Variants in IFT43 observed in about 807,000 individuals in gnomAD.
The protein encoded by IFT43 is intraflagellar transport 43, also known as intraflagellar transport protein 43 homolog.
Under a neutral mutation model 32.3 loss-of-function variants are expected in IFT43, and 33 were observed. The ratio of observed to expected loss-of-function variants is 1.02; its 90% CI spans 0.77 to 1.37. The LOEUF is 1.37. Among genes scored for constraint, IFT43 ranks in the 40% most tolerant of loss-of-function variants. IFT43 has a pLI of 0.00. For missense variants in IFT43, 274 were observed against 265.9 expected (o/e 1.03, Z -0.21); for synonymous variants, 93 against 98.2 (o/e 0.95, Z 0.31).
intron 3 of IFT43, among the ~76,000 whole-genome samples, chr14:76,052,790 G>A (rs888477): frequency 0.31 from 46,880 of 152,120 alleles, 8,492 homozygotes; most frequent in East Asian, 0.43. Context: ...CTGTTGCGTT[G>A]TAAATAAAAC....
chr14:76,077,463 G>C (rs1039729317), intron 5 of IFT43, among the ~76,000 whole-genome samples: 11 of 152,158 alleles, frequency 7.2e-5, no homozygotes, highest in African/African-American at 2.7e-4. Context: ...GTTCTATTCA[G>C]TTGTTCCTAA....
At chr14:75,995,463 G>A (rs569894131) in intron 2 of IFT43, among the ~76,000 whole-genome samples, 6 of 152,232 alleles carry the variant, frequency 3.9e-5, no homozygotes, top group African/African-American at 9.6e-5. Context: ...CTCCGAGGAC[G>A]CAGAACTGAA....
chr14:76,015,396 G>A (rs1379660743), intron 2 of IFT43, among the ~76,000 whole-genome samples: 1 of 152,162 alleles, frequency 6.6e-6, no homozygotes, highest in Non-Finnish European at 1.5e-5. Context: ...TCGCCAGTGG[G>A]AAGCAAGCTA....
chr14:75,997,949 T>TA (rs979835628), intron 2 of IFT43, among the ~76,000 whole-genome samples: 12 of 152,054 alleles, frequency 7.9e-5, no homozygotes, highest in African/African-American at 2.2e-4. Context: ...GCACTTAAGA[T>TA]AAAAAAACAA....
At chr14:75,986,014 C>T (rs961605914) in intron 1 of IFT43, 174 bp downstream of exon 1, 2 of 1,526,040 alleles carry the variant, frequency 1.3e-6, no homozygotes, top group Admixed American at 2.0e-5. Context: ...TGGGCTCCGC[C>T]GCTGCTGGCC....
intron 2 of IFT43, among the ~76,000 whole-genome samples, chr14:75,999,275 ATATATATTTTTTT>A (rs2035834604): frequency 5.4e-5 from 1 of 18,398 alleles, no homozygotes; most frequent in African/African-American, 2.0e-4. Context: ...ATATATATGT[ATATATATTTTTTT>A]TTTTTTTTTT....
intron 5 of IFT43, among the ~76,000 whole-genome samples, chr14:76,062,917 C>CAAAAAAAAAA (rs746158153): frequency 2.9e-4 from 21 of 72,468 alleles, no homozygotes; most frequent in African/African-American, 8.3e-4. Context: ...GATCCCATCT[C>CAAAAAAAAAA]AAAAAAAAAA....
chr14:76,072,289 G>A (rs2037335333), intron 5 of IFT43, among the ~76,000 whole-genome samples: 1 of 152,180 alleles, frequency 6.6e-6, no homozygotes, highest in African/African-American at 2.4e-5. Context: ...ACAGATTGCA[G>A]TGTGAGTATT....
At chr14:76,049,866 G>GCC (rs35149013) in intron 3 of IFT43, among the ~76,000 whole-genome samples, 1 of 151,908 alleles carries the variant, frequency 6.6e-6, no homozygotes, top group Admixed American at 6.6e-5. Flanking sequence ...TTAATTTCAA[G>GCC]CCCCCAAATC....
intron 1 of IFT43, among the ~76,000 whole-genome samples, chr14:75,986,971 G>A (rs1042216037): frequency 2.0e-5 from 3 of 152,184 alleles, no homozygotes; most frequent in Non-Finnish European, 4.4e-5. Flanking sequence ...ATAAAGCAAA[G>A]TTCCTGCCCT....
At chr14:75,985,873 G>T (rs1421676343) in intron 1 of IFT43, 33 bp downstream of exon 1, 2 of 1,611,150 alleles carry the variant, frequency 1.2e-6, no homozygotes, top group Non-Finnish European at 8.5e-7. Flanking sequence ...TGGGGGCCAG[G>T]ATTTGGCGGG....
intron 3 of IFT43, among the ~76,000 whole-genome samples, chr14:76,032,964 C>G (rs2036534599): frequency 6.6e-6 from 1 of 152,090 alleles, no homozygotes; most frequent in Admixed American, 6.6e-5. Context: ...GCAGGAGGGA[C>G]CTGATTTAGG....
At chr14:76,015,072 T>TAGTG (rs2036159663) in intron 2 of IFT43, among the ~76,000 whole-genome samples, 1 of 152,216 alleles carries the variant, frequency 6.6e-6, no homozygotes, top group Non-Finnish European at 1.5e-5. Context: ...CTAGTGCACA[T>TAGTG]GGGACCAGTG....
At chr14:76,022,200 G>C (rs1422875013) in intron 2 of IFT43, 127 bp from the exon 3 acceptor site, 5 of 755,680 alleles carry the variant, frequency 6.6e-6, no homozygotes, top group Non-Finnish European at 1.1e-5. Flanking sequence ...CCAGTGAGCT[G>C]AGGTCGCACC....
At chr14:76,058,598 C>T (rs760510989) in intron 3 of IFT43, 44 bp from the exon 4 acceptor site, 1 of 1,609,244 alleles carries the variant, frequency 6.2e-7, no homozygotes, top group South Asian at 1.1e-5. Context: ...GTGCATGAGA[C>T]TAGTGGGCTC....
intron 2 of IFT43, among the ~76,000 whole-genome samples, chr14:76,008,879 C>T (rs1013936112): frequency 6.6e-6 from 1 of 152,186 alleles, no homozygotes; most frequent in African/African-American, 2.4e-5. Flanking sequence ...TTGCCCTTAA[C>T]GCTTCCCTCA....
chr14:75,985,929 A>T (rs1171152298), intron 1 of IFT43, 89 bp downstream of exon 1: 7 of 1,561,820 alleles, frequency 4.5e-6, no homozygotes, highest in Non-Finnish European at 6.1e-6. Flanking sequence ...GAGGCGACTC[A>T]GGGCGGCAGG....
At chr14:76,077,432 G>C (rs2037431135) in intron 5 of IFT43, among the ~76,000 whole-genome samples, 1 of 152,160 alleles carries the variant, frequency 6.6e-6, no homozygotes, top group South Asian at 2.1e-4. Context: ...TTCCTGACCT[G>C]AGGAGCATCT....
At chr14:76,070,361 G>T (rs2037299688) in intron 5 of IFT43, among the ~76,000 whole-genome samples, 1 of 152,140 alleles carries the variant, frequency 6.6e-6, no homozygotes, top group African/African-American at 2.4e-5. Flanking sequence ...GAGTCACTCT[G>T]AGCTGAAACA....
Sources: gnomAD v4.1 joint callset for allele counts (sites outside exome capture counted in the v4.1 genomes callset) on GRCh38, gnomAD v4.1.1 for gene constraint, MANE v1.5 for transcripts, NCBI Gene and HGNC (gene_info 2026-07-23, HGNC 2026-07-21) for gene names.